The following PGGT1B variants were observed in gnomAD, a reference collection of about 807,000 sequenced individuals.
PGGT1B encodes geranylgeranyl transferase type-1 subunit beta.
Under a neutral mutation model 46.1 loss-of-function variants are expected in PGGT1B, and 30 were observed. The ratio of observed to expected loss-of-function variants is 0.65; its 90% confidence interval spans 0.49 to 0.88. PGGT1B has a LOEUF of 0.88. PGGT1B is among the 40% of genes least tolerant of loss of function. The pLI is 0.00. For synonymous variants in PGGT1B, 170 were observed against 160.0 expected, an observed-to-expected ratio of 1.06 and a Z score of -0.47; for missense variants, 376 against 455.9, an observed-to-expected ratio of 0.82 and a Z score of 1.60.
rs1756192228 is a variant in PGGT1B, at chr5:115,210,575, C to T, written c.*1827G>A. 1 of 151,822 alleles carries T rather than the reference C, an allele frequency of 6.6e-6. No homozygotes were observed. The highest frequency in any genetic ancestry group is 2.4e-5 in the African/African-American group (1 of 41,356). The allele number at this position is 151,822 out of a possible 1,614,324, so 9.4% of individuals were successfully genotyped here. A position where few individuals can be genotyped will look rare whatever the true frequency, so the allele number is the denominator to read the frequency against. The stretch of plus-strand genomic sequence containing the variant: ...TTATCAGGAGTTAGAAAATATTTAG[C>T]CTTATGAAATACTTTTAGATTGGAA... On this transcript the variant is annotated 3_prime_UTR_variant, in exon 9 of 9. Coordinates refer to ENST00000419445, the MANE Select transcript of PGGT1B (RefSeq NM_005023.4).
intron 2 of PGGT1B, among the ~76,000 whole-genome samples, chr5:115,251,874 C>G (rs557147350): frequency 6.6e-6 from 1 of 151,778 alleles, no homozygotes; most frequent in African/African-American, 2.4e-5. Flanking sequence ...TCTACCATAC[C>G]TCAGTCTAAT....
intron 2 of PGGT1B, among the ~76,000 whole-genome samples, chr5:115,252,279 T>C (rs1278190674): frequency 6.6e-6 from 1 of 152,024 alleles, no homozygotes; most frequent in African/African-American, 2.4e-5. Context: ...AAAAGTTATA[T>C]AAAAACAAAC....
chr5:115,257,663 T>C (rs1748381094), intron 1 of PGGT1B, among the ~76,000 whole-genome samples: 1 of 152,362 alleles, frequency 6.6e-6, no homozygotes, highest in South Asian at 2.1e-4. Context: ...TCCCAAACTT[T>C]GGATCCCTTG....
intron 7 of PGGT1B, among the ~76,000 whole-genome samples, chr5:115,218,519 TA>T (rs1260209443): frequency 1.4e-5 from 2 of 146,670 alleles, no homozygotes; most frequent in African/African-American, 5.0e-5. Flanking sequence ...ACCCAAACTC[TA>T]AAATCTAATA....
intron 5 of PGGT1B, among the ~76,000 whole-genome samples, chr5:115,232,341 G>A (rs1342679654): frequency 6.6e-6 from 1 of 151,866 alleles, no homozygotes; most frequent in East Asian, 1.9e-4. Context: ...TCACATAAAA[G>A]GAATTCTCAG....
At chr5:115,219,511 G>A (rs950889095) in intron 7 of PGGT1B, among the ~76,000 whole-genome samples, 9 of 151,650 alleles carry the variant, frequency 5.9e-5, no homozygotes, top group African/African-American at 1.7e-4. Context: ...GAAAACACTG[G>A]GGAAAATCTT....
At chr5:115,247,783 G>C (rs1163072696) in intron 2 of PGGT1B, among the ~76,000 whole-genome samples, 1 of 152,134 alleles carries the variant, frequency 6.6e-6, no homozygotes, top group African/African-American at 2.4e-5. Flanking sequence ...CTTTCACAGA[G>C]ATTAGAGACT....
intron 4 of PGGT1B, 65 bp downstream of exon 4, chr5:115,237,793 A>T: frequency 7.4e-7 from 1 of 1,355,864 alleles, no homozygotes; most frequent in Non-Finnish European, 1.0e-6. Context: ...ATAGTACTGT[A>T]TCCATTTTTT....
intron 6 of PGGT1B, among the ~76,000 whole-genome samples, chr5:115,229,063 G>C (rs1048328022): frequency 6.6e-6 from 1 of 152,136 alleles, no homozygotes. Flanking sequence ...CTACTTTTTA[G>C]AAAGAGGTTT....
At chr5:115,238,291 ATTTTTTTTTTTTTTT>A (rs35711954) in intron 3 of PGGT1B, among the ~76,000 whole-genome samples, 5 of 46,964 alleles carry the variant, frequency 1.1e-4, no homozygotes, top group South Asian at 1.3e-3. Context: ...ATTTTTTTGG[ATTTTTTTTTTTTTTT>A]TTTTTTTTTT....
intron 2 of PGGT1B, among the ~76,000 whole-genome samples, chr5:115,249,630 G>T (rs1458194410): frequency 6.6e-6 from 1 of 152,054 alleles, no homozygotes; most frequent in African/African-American, 2.4e-5. Context: ...TCAGGGTGGA[G>T]CAGGTAATCA....
intron 2 of PGGT1B, among the ~76,000 whole-genome samples, chr5:115,250,615 G>T (rs1037093408): frequency 6.6e-6 from 1 of 152,176 alleles, no homozygotes; most frequent in Non-Finnish European, 1.5e-5. Flanking sequence ...TTCTCAAAAG[G>T]AGTGGTGAGC....
chr5:115,237,220 G>A (rs936358193), intron 4 of PGGT1B, among the ~76,000 whole-genome samples: 11 of 152,162 alleles, frequency 7.2e-5, no homozygotes, highest in African/African-American at 2.7e-4. Flanking sequence ...ACACTGACGG[G>A]AAAACAGAGC....
chr5:115,256,378 T>C (rs916829239), intron 1 of PGGT1B, among the ~76,000 whole-genome samples: 4 of 152,210 alleles, frequency 2.6e-5, no homozygotes, highest in Non-Finnish European at 4.4e-5. Context: ...CTCCTGGATA[T>C]GAATGCACTC....
intron 5 of PGGT1B, among the ~76,000 whole-genome samples, chr5:115,235,858 G>C (rs1441337996): frequency 6.6e-6 from 1 of 152,038 alleles, no homozygotes; most frequent in Non-Finnish European, 1.5e-5. Flanking sequence ...TATTCTAACA[G>C]CCTCAAAATA....
chr5:115,239,450 C>G lies in PGGT1B; in HGVS notation c.328-1441G>C, dbSNP rs144878938. Among the ~76,000 whole-genome samples the G allele has an allele frequency of 2.5e-3, 379 of 152,286 alleles. 1 individual carries two copies. The highest frequency in any genetic ancestry group is 6.8e-3 in the Middle Eastern group (2 of 294). ...AGAACTCAAGCTCTAGTTCTCCTGG[C>G]TATCCTATTCCACATTTACAACTGA... On this transcript the variant is annotated intron_variant, in intron 3 of 8. Transcript: ENST00000419445.
At chr5:115,251,541 A>G (rs1380486780) in intron 2 of PGGT1B, among the ~76,000 whole-genome samples, 2 of 152,098 alleles carry the variant, frequency 1.3e-5, no homozygotes, top group Non-Finnish European at 2.9e-5. Flanking sequence ...AAATAGAAGA[A>G]AAGACAGAAA....
chr5:115,234,607 T>A (rs75378130), intron 5 of PGGT1B, among the ~76,000 whole-genome samples: 14,378 of 151,918 alleles, frequency 0.095, 1,256 homozygotes, highest in East Asian at 0.52. Flanking sequence ...AACATAACCA[T>A]ATTAAAGGGG....
At chr5:115,231,074 A>G (rs1359385609) in intron 5 of PGGT1B, 53 bp from the exon 6 acceptor site, 1 of 926,800 alleles carries the variant, frequency 1.1e-6, no homozygotes. Flanking sequence ...ATAATAATAA[A>G]TGAATAAATA....
Sources: allele counts gnomAD v4.1 joint callset (sites outside exome capture counted in the v4.1 genomes callset), GRCh38; gene constraint gnomAD v4.1.1; transcripts MANE v1.5; gene names NCBI Gene and HGNC (gene_info 2026-07-23, HGNC 2026-07-21).